Variants in SAMD3 observed in about 807,000 individuals in gnomAD.
SAMD3 encodes sterile alpha motif domain containing 3, also known as sterile alpha motif domain-containing protein 3.
In SAMD3, 63 loss-of-function variants were observed where a neutral mutation model predicts 58.5. That is an observed-to-expected ratio of 1.08 (90% CI 0.88 to 1.33). The LOEUF is 1.33. SAMD3 is among the 40% of genes most tolerant of loss of function. SAMD3 has a pLI of 0.00. For synonymous variants in SAMD3, 220 were observed against 210.3 expected (o/e 1.05, Z -0.40); for missense variants, 604 against 608.4 (o/e 0.99, Z 0.08).
At chr6:130,317,722 G>GA (rs1394052233) in intron 1 of SAMD3, among the ~76,000 whole-genome samples, 1 of 152,124 alleles carries the variant, frequency 6.6e-6, no homozygotes, top group African/African-American at 2.4e-5. Context: ...TGGAAAACTG[G>GA]AAAAAAATAT....
intron 5 of SAMD3, among the ~76,000 whole-genome samples, chr6:130,189,349 GA>G (rs535142123): frequency 1.1e-3 from 172 of 152,262 alleles, no homozygotes; most frequent in African/African-American, 3.3e-3. Context: ...ATCTGCAAGT[GA>G]AAAAGAGGGT....
chr6:130,300,268 AG>A (rs1272051235), intron 2 of SAMD3, among the ~76,000 whole-genome samples: 4 of 152,162 alleles, frequency 2.6e-5, no homozygotes, highest in Non-Finnish European at 4.4e-5. Context: ...CACAATCAAG[AG>A]GGTTTTATTC....
chr6:130,267,668 G>A (rs1478250432), intron 2 of SAMD3, among the ~76,000 whole-genome samples: 1 of 152,134 alleles, frequency 6.6e-6, no homozygotes, highest in Non-Finnish European at 1.5e-5. Context: ...CCTAAGCCTG[G>A]TAGTTAAAAT....
intron 2 of SAMD3, among the ~76,000 whole-genome samples, chr6:130,230,190 G>A (rs553420637): frequency 3.9e-5 from 6 of 152,096 alleles, no homozygotes; most frequent in Non-Finnish European, 5.9e-5. Flanking sequence ...TCAGGAGAAC[G>A]GTATTATGTT....
upstream of SAMD3, among the ~76,000 whole-genome samples, chr6:130,225,392 G>A (rs1796359825): frequency 6.6e-6 from 1 of 152,174 alleles, no homozygotes. Flanking sequence ...GAGTAAGGGA[G>A]CAATTACAAT....
chr6:130,236,266 T>C (rs1422043400), intron 2 of SAMD3, among the ~76,000 whole-genome samples: 1 of 152,190 alleles, frequency 6.6e-6, no homozygotes, highest in African/African-American at 2.4e-5. Flanking sequence ...CTCTGCAAAA[T>C]AGTCTGTGCT....
At chr6:130,317,229 C>G (rs913387662) in intron 1 of SAMD3, among the ~76,000 whole-genome samples, 4 of 152,136 alleles carry the variant, frequency 2.6e-5, no homozygotes, top group Non-Finnish European at 5.9e-5. Context: ...CCAACGCTTT[C>G]CTAAAATCCT....
At chr6:130,294,904 C>A (rs930001307) in intron 2 of SAMD3, among the ~76,000 whole-genome samples, 33 of 95,756 alleles carry the variant, frequency 3.4e-4, no homozygotes, top group African/African-American at 9.6e-4. Context: ...CCATACATTT[C>A]TCTGATTTTT....
chr6:130,188,808 C>T (rs1793244360), intron 5 of SAMD3, among the ~76,000 whole-genome samples: 1 of 152,160 alleles, frequency 6.6e-6, no homozygotes, highest in African/African-American at 2.4e-5. Context: ...TCCTGCTTCT[C>T]TTCCAATCTC....
At chr6:130,244,258 A>C (rs1773458121) in intron 2 of SAMD3, among the ~76,000 whole-genome samples, 1 of 152,340 alleles carries the variant, frequency 6.6e-6, no homozygotes, top group East Asian at 1.9e-4. Context: ...AGGATGTGTC[A>C]TAAAAGCCTG....
chr6:130,258,534 C>T (rs6920699), intron 2 of SAMD3, among the ~76,000 whole-genome samples: 67,886 of 151,896 alleles, frequency 0.45, 17,172 homozygotes, highest in African/African-American at 0.69. Flanking sequence ...ATTTAAAGTG[C>T]ACAATTTGAT....
intron 2 of SAMD3, among the ~76,000 whole-genome samples, chr6:130,283,252 A>G (rs1401572984): frequency 6.6e-6 from 1 of 152,218 alleles, no homozygotes; most frequent in Non-Finnish European, 1.5e-5. Context: ...AGAAATTAAC[A>G]GATATGAAGG....
chr6:130,244,967 C>T (rs894099671), intron 2 of SAMD3, among the ~76,000 whole-genome samples: 2 of 152,080 alleles, frequency 1.3e-5, no homozygotes, highest in East Asian at 1.9e-4. Flanking sequence ...ATTGTTAGGA[C>T]GCATGCATGG....
chr6:130,175,851 A>G lies in SAMD3; in HGVS notation c.812T>C (p.Val271Ala). The change falls in exon 8 of 12, where the codon GTC becomes GCC. Residue 271 changes from valine (V) to alanine (A), a missense_variant. Coordinates refer to ENST00000439090, the MANE Select transcript of SAMD3 (RefSeq NM_001017373.4). ...ADIRFDEIKL[V>A]QIKEEAVCFD... ...GGAATTCAATCTTACTTTTATCTGG[A>G]CAAGTTTAATTTCATCAAATCTTAT... 6.2e-7 allele frequency: 1 copy of G among 1,609,884 alleles called. No homozygotes were observed. Among genetic ancestry groups the G allele is most frequent in the Non-Finnish European group, 8.5e-7 (1 of 1,177,242 alleles).
At chr6:130,259,667 G>A (rs1417834494) in intron 2 of SAMD3, among the ~76,000 whole-genome samples, 1 of 152,182 alleles carries the variant, frequency 6.6e-6, no homozygotes, top group African/African-American at 2.4e-5. Context: ...TGCCAGGTCA[G>A]AGGAGCACAA....
At chr6:130,351,417 G>A (rs1420692132) in intron 1 of SAMD3, among the ~76,000 whole-genome samples, 3 of 152,056 alleles carry the variant, frequency 2.0e-5, no homozygotes, top group African/African-American at 4.8e-5. Context: ...GTGGGCAAAG[G>A]ATATGAACAG....
intron 8 of SAMD3, among the ~76,000 whole-genome samples, chr6:130,167,455 C>G (rs1175116890): frequency 6.6e-6 from 1 of 152,018 alleles, no homozygotes; most frequent in Admixed American, 6.6e-5. Flanking sequence ...AGGATTATGA[C>G]AAAAAAATAC....
chr6:130,170,108 A>T (rs767098632), intron 8 of SAMD3, among the ~76,000 whole-genome samples: 47 of 152,190 alleles, frequency 3.1e-4, no homozygotes, highest in South Asian at 6.2e-4. Flanking sequence ...GTACACATGT[A>T]CCATGGTGGT....
intron 1 of SAMD3, among the ~76,000 whole-genome samples, chr6:130,329,144 T>C (rs981723895): frequency 1.3e-5 from 2 of 152,114 alleles, no homozygotes; most frequent in African/African-American, 2.4e-5. Context: ...CCGCTTCTAC[T>C]TTCTGTTTGA....
Sources: gnomAD v4.1 joint callset for allele counts (sites outside exome capture counted in the v4.1 genomes callset) on GRCh38, gnomAD v4.1.1 for gene constraint, MANE v1.5 for transcripts, NCBI Gene and HGNC (gene_info 2026-07-23, HGNC 2026-07-21) for gene names.